The following NR3C1 variants were observed in gnomAD, a reference collection of about 807,000 sequenced individuals.
The protein encoded by NR3C1 is glucocorticoid receptor.
Under a neutral mutation model 74.0 loss-of-function variants are expected in NR3C1, and 14 were observed. That is an observed-to-expected ratio of 0.19 (90% CI 0.12 to 0.30). The LOEUF (loss-of-function observed/expected upper bound fraction) is 0.30. NR3C1 is among the 10% of genes least tolerant of loss of function. The pLI is 1.00. For missense variants in NR3C1, 695 were observed against 909.8 expected, an observed-to-expected ratio of 0.76 and a Z score of 3.04; for synonymous variants, 308 against 332.5, an observed-to-expected ratio of 0.93 and a Z score of 0.80.
Position 143,279,198 on chromosome 5 carries a change from T to TC in NR3C1, c.*2690dup. The stretch of plus-strand genomic sequence containing the variant: ...AAACATAATTAAGATGACTTTCTTT[T>TC]CCCCCACGTATCCTAAAAGGGCACA... On this transcript the variant is annotated 3_prime_UTR_variant, in exon 9 of 9. Transcript: ENST00000394464. The TC allele has an allele frequency of 1.4e-6, 1 of 719,532 alleles. No homozygotes were observed. Among genetic ancestry groups the TC allele is most frequent in the Non-Finnish European group, 2.2e-6 (1 of 456,630 alleles). The allele number at this position is 719,532 out of a possible 1,614,324, so 44.6% of individuals were successfully genotyped here. A position where few individuals can be genotyped will look rare whatever the true frequency, so the allele number is the denominator to read the frequency against.
intron 2 of NR3C1, among the ~76,000 whole-genome samples, chr5:143,342,254 C>T (rs1275578108): frequency 1.3e-5 from 2 of 152,262 alleles, no homozygotes; most frequent in Non-Finnish European, 1.5e-5. Context: ...TTGCTTAGTA[C>T]GTGGCAGGCA....
chr5:143,369,869 C>T (rs1403931287), intron 2 of NR3C1, among the ~76,000 whole-genome samples: 2 of 152,180 alleles, frequency 1.3e-5, no homozygotes, highest in Non-Finnish European at 2.9e-5. Flanking sequence ...CTTACTAGAG[C>T]ACTAAGTCCT....
chr5:143,404,891 C>G (rs1840995310), upstream of NR3C1, among the ~76,000 whole-genome samples: 1 of 152,198 alleles, frequency 6.6e-6, no homozygotes, highest in African/African-American at 2.4e-5. Context: ...GTTGCTCACC[C>G]TATCACGTTC....
At chr5:143,386,973 CA>C (rs1837343697) in intron 2 of NR3C1, among the ~76,000 whole-genome samples, 1 of 152,154 alleles carries the variant, frequency 6.6e-6, no homozygotes, top group South Asian at 2.1e-4. Flanking sequence ...ATTTTTTGAT[CA>C]GGGGAATAAT....
intron 1 of NR3C1, among the ~76,000 whole-genome samples, chr5:143,410,567 A>G (rs1002197384): frequency 6.6e-6 from 1 of 152,094 alleles, no homozygotes; most frequent in Non-Finnish European, 1.5e-5. Flanking sequence ...TCTGCCATTT[A>G]CTTACTTGAA....
chr5:143,372,119 C>T (rs930310603), intron 2 of NR3C1, among the ~76,000 whole-genome samples: 1 of 152,162 alleles, frequency 6.6e-6, no homozygotes, highest in South Asian at 2.1e-4. Flanking sequence ...AACCAGCACG[C>T]ATTTCTTTTT....
chr5:143,306,107 A>G (rs774243266), intron 4 of NR3C1, among the ~76,000 whole-genome samples: 25 of 152,220 alleles, frequency 1.6e-4, no homozygotes, highest in Non-Finnish European at 2.6e-4. Flanking sequence ...AGTTTTTTAA[A>G]AAAAAACATT....
intron 1 of NR3C1, among the ~76,000 whole-genome samples, chr5:143,432,891 G>A (rs979593152): frequency 6.6e-6 from 1 of 152,090 alleles, no homozygotes; most frequent in South Asian, 2.1e-4. Context: ...CGACTATTGC[G>A]TTCTCTGCCC....
intron 2 of NR3C1, among the ~76,000 whole-genome samples, chr5:143,391,253 C>T (rs1293607704): frequency 6.6e-6 from 1 of 152,120 alleles, no homozygotes; most frequent in African/African-American, 2.4e-5. Context: ...GCTTTTATAA[C>T]TTTGGTTTAA....
chr5:143,324,118 C>T (rs573828975), intron 2 of NR3C1, among the ~76,000 whole-genome samples: 57 of 152,300 alleles, frequency 3.7e-4, no homozygotes, highest in Non-Finnish European at 6.0e-4. Flanking sequence ...TGGAGGATGA[C>T]GGCTCTCTTC....
chr5:143,426,743 C>G (rs551407042), intron 1 of NR3C1, among the ~76,000 whole-genome samples: 1 of 152,186 alleles, frequency 6.6e-6, no homozygotes, highest in African/African-American at 2.4e-5. Context: ...CAAATCCTGT[C>G]TCATAGGTAC....
chr5:143,401,604 TTCTC>T (rs781658859), intron 1 of NR3C1, among the ~76,000 whole-genome samples: 20 of 152,238 alleles, frequency 1.3e-4, no homozygotes, highest in Non-Finnish European at 2.2e-4. Flanking sequence ...GTGTAGTAGT[TTCTC>T]ACTACGTTGT....
At chr5:143,289,301 C>T (rs1815306810) in intron 7 of NR3C1, among the ~76,000 whole-genome samples, 1 of 152,006 alleles carries the variant, frequency 6.6e-6, no homozygotes, top group Non-Finnish European at 1.5e-5. Context: ...AGTAGACCCA[C>T]ACATATACAA....
chr5:143,404,359 G>A (rs1232829630), upstream of NR3C1: 10 of 985,332 alleles, frequency 1.0e-5, no homozygotes, highest in Non-Finnish European at 2.4e-6. Flanking sequence ...GGATAGCGGG[G>A]GTCGGCGCAT....
chr5:143,366,814 C>G (rs1390884197), intron 2 of NR3C1, among the ~76,000 whole-genome samples: 2 of 152,018 alleles, frequency 1.3e-5, no homozygotes, highest in Non-Finnish European at 2.9e-5. Flanking sequence ...AGTTAGTAAT[C>G]AAAAAACTTC....
chr5:143,414,331 T>C (rs1331662134), intron 1 of NR3C1, among the ~76,000 whole-genome samples: 2 of 152,182 alleles, frequency 1.3e-5, no homozygotes, highest in African/African-American at 4.8e-5. Flanking sequence ...CTTATTTTGC[T>C]CCTTCTGTCT....
intron 2 of NR3C1, among the ~76,000 whole-genome samples, chr5:143,378,736 T>C (rs1248447724): frequency 6.6e-6 from 1 of 152,256 alleles, no homozygotes; most frequent in Non-Finnish European, 1.5e-5. Context: ...TCATCCAATA[T>C]GACAACTATG....
intron 4 of NR3C1, 30 bp downstream of exon 4, chr5:143,310,067 C>G: frequency 2.7e-6 from 4 of 1,489,278 alleles, no homozygotes; most frequent in Non-Finnish European, 3.8e-6. Flanking sequence ...GCTACAGAGA[C>G]AAACAATTGC....
At chr5:143,352,311 C>A (rs1830376338) in intron 2 of NR3C1, among the ~76,000 whole-genome samples, 1 of 152,018 alleles carries the variant, frequency 6.6e-6, no homozygotes, top group South Asian at 2.1e-4. Context: ...AATTCTATAT[C>A]CCAAAGAAAT....
Sources: allele counts gnomAD v4.1 joint callset (sites outside exome capture counted in the v4.1 genomes callset), GRCh38; gene constraint gnomAD v4.1.1; transcripts MANE v1.5; gene names NCBI Gene and HGNC (gene_info 2026-07-23, HGNC 2026-07-21).